The following SERPINA9 variants were observed in gnomAD, a reference collection of about 807,000 sequenced individuals.
SERPINA9 encodes the protein serpin family A member 9.
Under a neutral mutation model 24.5 loss-of-function variants are expected in SERPINA9, and 32 were observed. The ratio of observed to expected loss-of-function variants is 1.30; its 90% CI spans 0.98 to 1.75. The LOEUF is 1.75. SERPINA9 is among the 40% of genes most tolerant of loss of function. SERPINA9 has a pLI of 0.00. For missense variants in SERPINA9, 594 were observed against 497.1 expected (o/e 1.19, Z -1.85); for synonymous variants, 233 against 197.7 (o/e 1.18, Z -1.50).
At chr14:94,471,024 G>T (rs1899288806) in intron 1 of SERPINA9, among the ~76,000 whole-genome samples, 1 of 152,190 alleles carries the variant, frequency 6.6e-6, no homozygotes, top group African/African-American at 2.4e-5. Flanking sequence ...GCAGGTGTGT[G>T]CTCCAATAGG....
At chr14:94,474,225 G>T (rs1404612782) in intron 1 of SERPINA9, among the ~76,000 whole-genome samples, 1 of 152,174 alleles carries the variant, frequency 6.6e-6, no homozygotes, top group Non-Finnish European at 1.5e-5. Context: ...CTCTCAGGGG[G>T]CCCCCACTGA....
intron 1 of SERPINA9, among the ~76,000 whole-genome samples, chr14:94,471,080 T>TC (rs998798227): frequency 6.8e-6 from 1 of 147,914 alleles, no homozygotes; most frequent in Non-Finnish European, 1.5e-5. Flanking sequence ...TTTTATAATT[T>TC]CCCCCCCATG....
chr14:94,465,443 T>C (rs1247552248), intron 3 of SERPINA9, among the ~76,000 whole-genome samples: 1 of 152,272 alleles, frequency 6.6e-6, no homozygotes, highest in Non-Finnish European at 1.5e-5. Context: ...GCTACTATAT[T>C]GAACAGCACC....
chr14:94,463,287 TGTG>T lies in SERPINA9; in HGVS notation c.1057_1059del (p.His353del), dbSNP rs747355881. ...TCTTCACTGACATCCAGCACAGCCT[TGTG>T]GGTTGCCTGCCAAGGGAAAAACAAA... On this transcript the variant is annotated inframe_deletion, in exon 5 of 5. Transcript: ENST00000674397. 3.1e-6 allele frequency: 5 copies of T among 1,613,922 alleles called. No homozygotes were observed. The Admixed American group carries it at 5.0e-5, about 16-fold the overall frequency.
In SERPINA9 at chr14:94,469,587, C is replaced by T. The variant is rs917893516; in HGVS notation, c.254G>A (p.Gly85Glu). The T allele has an allele frequency of 2.5e-6, 4 of 1,614,066 alleles. No individual in the cohort carries two copies. In the Admixed American group the frequency reaches 5.0e-5, roughly 20 times the overall value. Residue 85 changes from glycine (G) to glutamate (E), a missense_variant, in exon 2 of 5, where the codon GGG becomes GAG. Transcript: ENST00000674397. ...VSTSLAMLSLGAHSVTKTQIL... is the reference protein window; with the variant it reads ...VSTSLAMLSLEAHSVTKTQIL... The stretch of plus-strand genomic sequence containing the variant: ...CTGGGTCTTGGTGACTGAGTGGGCC[C>T]CAAGGGAGAGCATGGCCAGGGAAGT...
chr14:94,469,219 A>G lies in SERPINA9; in HGVS notation c.622T>C (p.Phe208Leu). 6 of 1,607,914 alleles carry G rather than the reference A, an allele frequency of 3.7e-6. No homozygotes were observed. Among genetic ancestry groups the G allele is most frequent in the Non-Finnish European group, 5.1e-6 (6 of 1,177,194 alleles). ...CAACTTCTCAAATCCTTACCTTTAA[A>G]GAAAATGTGGTTCACCAGAACCATG... is the stretch of plus-strand genomic sequence containing the variant. ...TAMVLVNHIF[F>L]KAKWEKPFHP... The change falls in exon 2 of 5, where the codon TTT (phenylalanine) becomes CTT (leucine). Residue 208 changes from phenylalanine to leucine, a missense_variant. Coordinates refer to ENST00000674397, the MANE Select transcript of SERPINA9 (RefSeq NM_175739.4).
In SERPINA9 at chr14:94,469,529, G is replaced by T. The variant is rs1359337963; in HGVS notation, c.312C>A (p.His104Gln). 1 of 1,614,198 alleles carries T rather than the reference G, an allele frequency of 6.2e-7. No homozygotes were observed. Among genetic ancestry groups the T allele is most frequent in the Non-Finnish European group, 8.5e-7 (1 of 1,180,030 alleles). Residue 104 changes from histidine to glutamine, a missense_variant, in exon 2 of 5, where the codon CAC becomes CAA. His to Gln is a conservative substitution (Grantham distance 24). Coordinates refer to ENST00000674397, the MANE Select transcript of SERPINA9 (RefSeq NM_175739.4). The stretch of plus-strand genomic sequence containing the variant: ...CCTGGTGGATGGCAGACTCTGGTGT[G>T]TGTGTGAGGTTGAAGCCCAGGCCCT... ...ILQGLGFNLTHTPESAIHQGF... is the reference protein window; with the variant it reads ...ILQGLGFNLTQTPESAIHQGF...
intron 1 of SERPINA9, among the ~76,000 whole-genome samples, chr14:94,471,525 C>G (rs1899317453): frequency 6.6e-6 from 1 of 152,220 alleles, no homozygotes; most frequent in Non-Finnish European, 1.5e-5. Flanking sequence ...AACCCTTTTA[C>G]TGAATGAGTA....
chr14:94,475,398 A>T (rs1219124766), intron 1 of SERPINA9, among the ~76,000 whole-genome samples: 1 of 151,192 alleles, frequency 6.6e-6, no homozygotes, highest in Admixed American at 6.6e-5. Context: ...TGTGTGCTAC[A>T]TATGCATGTG....
chr14:94,469,802 G>T lies in SERPINA9; in HGVS notation c.39C>A (p.Gly13=). The change falls in exon 2 of 5, where the codon GGC becomes GGA. Residue 13 remains glycine, a synonymous_variant. Transcript: ENST00000674397. ...SYLYGVLFAV[G]LCAPIYCVSP... is the part of the protein sequence containing the mutation. ...ACACACAGTAGATTGGAGCACAGAG[G>T]CCAACAGCAAAGAGTACTCCATAAA... The T allele has an allele frequency of 6.6e-7, 1 of 1,524,640 alleles. No individual in the cohort carries two copies. The highest frequency in any genetic ancestry group is 8.8e-7 in the Non-Finnish European group (1 of 1,137,178). The allele number at this position is 1,524,640 out of a possible 1,614,324, so 94.4% of individuals were successfully genotyped here. A position where few individuals can be genotyped will look rare whatever the true frequency, so the allele number is the denominator to read the frequency against.
intron 1 of SERPINA9, among the ~76,000 whole-genome samples, chr14:94,475,303 T>A (rs1899535886): frequency 6.6e-6 from 1 of 152,050 alleles, no homozygotes; most frequent in Admixed American, 6.5e-5. Flanking sequence ...ATCAGCTCAC[T>A]CTCCCATTTT....
At chr14:94,464,301 CTCTCTCT>C (rs773866006) in intron 4 of SERPINA9, 3,028 of 194,144 alleles carry the variant, frequency 0.016, 112 homozygotes, top group East Asian at 0.027. Flanking sequence ...CTCTCTCTCT[CTCTCTCT>C]CTCTCTCTCT....
chr14:94,471,230 C>T (rs907599475), intron 1 of SERPINA9, among the ~76,000 whole-genome samples: 11 of 152,180 alleles, frequency 7.2e-5, no homozygotes, highest in African/African-American at 1.2e-4. Flanking sequence ...CTAGGAGCAC[C>T]GGCATGAAGT....
At chr14:94,475,960 C>T (rs900287341) in intron 1 of SERPINA9, 176 bp downstream of exon 1, 1 of 852,526 alleles carries the variant, frequency 1.2e-6, no homozygotes, top group Non-Finnish European at 1.9e-6. Context: ...AGCCTGGCTT[C>T]TGTATCCACA....
Position 94,462,866 on chromosome 14 carries a change from G to T in SERPINA9, c.*227C>A, listed in dbSNP as rs1243792951. On this transcript the variant is annotated 3_prime_UTR_variant, in exon 5 of 5. Transcript: ENST00000674397. ...AACCCAGCAACATCCCATGAAGCTA[G>T]TTACCTGGGAGAATTTGTGGAAAAG... The T allele has an allele frequency of 5.6e-6, 3 of 531,632 alleles. No homozygotes were observed. The allele number at this position is 531,632 out of a possible 1,614,324, so 32.9% of individuals were successfully genotyped here. A position where few individuals can be genotyped will look rare whatever the true frequency, so the allele number is the denominator to read the frequency against.
Position 94,467,174 on chromosome 14 carries a change from C to G in SERPINA9, c.837G>C (p.Met279Ile), listed in dbSNP as rs771427322. The G allele has an allele frequency of 2.2e-5, 36 of 1,614,098 alleles. No individual in the cohort carries two copies. The highest frequency in any genetic ancestry group is 3.1e-5 in the Non-Finnish European group (36 of 1,180,034). ...CTGACAAGGCCTGTTCCAGTTGCCT[C>G]ATCTTGCCCTTGCTAGGGAGGACAA... ...AFFVLPSKGK[M>I]RQLEQALSAR... Residue 279 changes from methionine (M) to isoleucine (I), a missense_variant, in exon 3 of 5, where the codon ATG becomes ATC. Met to Ile is a conservative substitution (Grantham distance 10, BLOSUM62 1). Transcript: ENST00000674397.
intron 1 of SERPINA9, among the ~76,000 whole-genome samples, chr14:94,472,369 A>G (rs1899362541): frequency 6.6e-6 from 1 of 150,634 alleles, no homozygotes; most frequent in Non-Finnish European, 1.5e-5. Flanking sequence ...CTTAGCTATT[A>G]CCGGCTTGAG....
chr14:94,464,303 CTCTCTCT>C (rs754202951), intron 4 of SERPINA9: 34 of 192,670 alleles, frequency 1.8e-4, no homozygotes, highest in Non-Finnish European at 3.0e-4. Flanking sequence ...CTCTCTCTCT[CTCTCTCT>C]CTCTCTCTCC....
chr14:94,471,385 C>T (rs147103165), intron 1 of SERPINA9, among the ~76,000 whole-genome samples: 1 of 152,210 alleles, frequency 6.6e-6, no homozygotes, highest in Admixed American at 6.5e-5. Context: ...CACATAGTCA[C>T]TTGTCTATGT....
Sources: allele counts gnomAD v4.1 joint callset (sites outside exome capture counted in the v4.1 genomes callset), GRCh38; gene constraint gnomAD v4.1.1; transcripts MANE v1.5; gene names NCBI Gene and HGNC (gene_info 2026-07-23, HGNC 2026-07-21).